Variants in RAET1L observed in about 807,000 individuals in gnomAD.
RAET1L encodes UL16-binding protein 6.
RAET1L carries 16 observed loss-of-function variants against 23.9 expected under a neutral mutation model. That is an observed-to-expected ratio of 0.67 (90% CI 0.45 to 1.02). The LOEUF is 1.02. Among genes scored for constraint, RAET1L ranks in the 50% least tolerant of loss-of-function variants. The pLI, the probability that RAET1L is intolerant of heterozygous loss-of-function variation, is 0.00. For missense variants in RAET1L, 233 were observed against 304.0 expected, an observed-to-expected ratio of 0.77 and a Z score of 1.74; for synonymous variants, 70 against 111.2, an observed-to-expected ratio of 0.63 and a Z score of 2.33.
At chr6:150,018,904 A>G in intron 4 of RAET1L, 49 bp from the exon 5 acceptor site, 1 of 289,754 alleles carries the variant, frequency 3.5e-6, no homozygotes, top group Non-Finnish European at 6.7e-6. Flanking sequence ...AACCCGGATC[A>G]CTTTTCCACG....
Position 150,024,711 on chromosome 6 carries a change from C to T in RAET1L, c.85+676G>A, listed in dbSNP as rs6923759. 3.5e-3 allele frequency among the ~76,000 whole-genome samples: 531 copies of T among 152,116 alleles called. 7 individuals carry two copies. Among genetic ancestry groups the T allele is most frequent in the African/African-American group, 0.012 (492 of 41,466 alleles). On this transcript the variant is annotated intron_variant, in intron 1 of 4. Coordinates refer to ENST00000367341, the MANE Select transcript of RAET1L (RefSeq NM_130900.3). Reference sequence around the variant, plus strand: ...TTGGGGTGTGTCCTCAGGCAAGAGGCAGAAGGTGCGACGTGGTGTAGGAGG... The same window carrying T: ...TTGGGGTGTGTCCTCAGGCAAGAGGTAGAAGGTGCGACGTGGTGTAGGAGG...
In RAET1L at chr6:150,021,109, T is replaced by A. The variant is rs368287368; in HGVS notation, c.427A>T (p.Ile143Phe). ...GHSSGSWQFSIDGQTFLLFDS... is the reference protein window; with the variant it reads ...GHSSGSWQFSFDGQTFLLFDS... ...AAGAGTAGGAAGGTCTGTCCATCGA[T>A]ACTGAACTGCCAAGATCCACTGCTG... Residue 143 changes from isoleucine (I) to phenylalanine (F), a missense_variant, in exon 3 of 5, where the codon ATC becomes TTC. Ile to Phe is a conservative substitution (Grantham distance 21). This residue lies in a region of RAET1L where 139 missense variants were observed against 125.3 expected (regional missense o/e 1.11). Coordinates refer to ENST00000367341, the MANE Select transcript of RAET1L (RefSeq NM_130900.3). The A allele has an allele frequency of 4.7e-5, 76 of 1,614,098 alleles. No homozygotes were observed. Among genetic ancestry groups the A allele is most frequent in the African/African-American group, 2.7e-4 (20 of 74,990 alleles).
intron 4 of RAET1L, among the ~76,000 whole-genome samples, chr6:150,019,510 A>G (rs1359118508): frequency 1.3e-5 from 2 of 151,958 alleles, no homozygotes; most frequent in Admixed American, 6.6e-5. Flanking sequence ...CCACGGGTAC[A>G]TGGGACTGAC....
In RAET1L at chr6:150,021,051, T is replaced by G. The variant is rs1236274956; in HGVS notation, c.485A>C (p.His162Pro). 4 of 1,614,092 alleles carry G rather than the reference T, an allele frequency of 2.5e-6. No individual in the cohort carries two copies. The Admixed American group carries it at 5.0e-5, about 20-fold the overall frequency. ...TTCTTTCATCTTTCTGGCTCCAGGATGAACCGTTGTCCACATTCTCTTCTC... is the reference window on the plus strand; with the variant it reads ...TTCTTTCATCTTTCTGGCTCCAGGAGGAACCGTTGTCCACATTCTCTTCTC... ...DSEKRMWTTV[H>P]PGARKMKEKW... Residue 162 changes from histidine (H) to proline (P), a missense_variant, in exon 3 of 5, where the codon CAT becomes CCT. Transcript: ENST00000367341.
In RAET1L at chr6:150,025,508, A is replaced by T; in HGVS notation, c.-37T>A. The T allele has an allele frequency of 6.5e-7, 1 of 1,539,898 alleles. No homozygotes were observed. Among genetic ancestry groups the T allele is most frequent in the East Asian group, 2.3e-5 (1 of 44,380 alleles). ...AGGGCTGGGGACAAGAGATTTAATC[A>T]AGGTGGATCCTGGAAGATGAAATCA... On this transcript the variant is annotated 5_prime_UTR_variant, in exon 1 of 5. Transcript: ENST00000367341.
At chr6:150,023,123 C>A (rs1364872901) in intron 1 of RAET1L, among the ~76,000 whole-genome samples, 1 of 142,114 alleles carries the variant, frequency 7.0e-6, no homozygotes, top group Non-Finnish European at 1.5e-5. Flanking sequence ...CAGGTGGAGG[C>A]TGTCAACTGT....
intron 1 of RAET1L, among the ~76,000 whole-genome samples, chr6:150,023,873 G>T (rs545478439): frequency 1.3e-5 from 2 of 152,202 alleles, no homozygotes; most frequent in African/African-American, 4.8e-5. Flanking sequence ...CCATGACAAG[G>T]CACCAGAATG....
chr6:150,024,252 T>A (rs1477133164), intron 1 of RAET1L, among the ~76,000 whole-genome samples: 1 of 151,988 alleles, frequency 6.6e-6, no homozygotes, highest in Non-Finnish European at 1.5e-5. Context: ...AGGGCCACCT[T>A]CTACTTTCCA....
chr6:150,020,352 C>T (rs1409871656), intron 3 of RAET1L, 113 bp from the exon 4 acceptor site: 6 of 1,589,852 alleles, frequency 3.8e-6, no homozygotes, highest in Admixed American at 3.5e-5. Flanking sequence ...TTTGTCCCCT[C>T]CCCCCTGGTG....
rs144056293 is a variant in RAET1L, at chr6:150,021,563, T to G, written c.350-377A>C. On this transcript the variant is annotated intron_variant, in intron 2 of 4. Coordinates refer to ENST00000367341, the MANE Select transcript of RAET1L (RefSeq NM_130900.3). The stretch of plus-strand genomic sequence containing the variant: ...ATCCGCCTACCTCAGCCTCCCAAAA[T>G]GCTGGGATTACAGGCTTGAGCCACT... 7.5e-5 allele frequency among the ~76,000 whole-genome samples: 11 copies of G among 147,512 alleles called. No individual in the cohort carries two copies. The East Asian group carries it at 2.2e-3, about 29-fold the overall frequency.
intron 1 of RAET1L, among the ~76,000 whole-genome samples, chr6:150,024,865 C>T (rs1779928572): frequency 6.6e-6 from 1 of 152,032 alleles, no homozygotes. Context: ...ATCTGCTGAG[C>T]CCCTGGGTGC....
rs1304700666 is a variant in RAET1L at position 150,025,166 on chromosome 6, G to A, written c.85+221C>T. 2.0e-5 allele frequency among the ~76,000 whole-genome samples: 3 copies of A among 152,312 alleles called. No homozygotes were observed. In the East Asian group the frequency reaches 5.8e-4, roughly 29 times the overall value. ...CTCTGGCCCCTCCACCCTCCTGCCA[G>A]CCTCGTTTTCACCCTGCTCTTTTTC... On this transcript the variant is annotated intron_variant, in intron 1 of 4. Transcript: ENST00000367341.
rs1009749816 is a variant in RAET1L at position 150,018,771 on chromosome 6, C to A, written c.*107G>T. On this transcript the variant is annotated 3_prime_UTR_variant, in exon 5 of 5. Transcript: ENST00000367341. ...TCTGCTGGAGGCTGCTGGACATACA[C>A]CGTAGGTGGTGGGCAGCTGGCCAGA... 3.9e-6 allele frequency: 1 copy of A among 259,206 alleles called. No individual in the cohort carries two copies. Among genetic ancestry groups the A allele is most frequent in the Admixed American group, 5.3e-5 (1 of 18,990 alleles). 16.1% of individuals were successfully genotyped at this position (259,206 alleles called of 1,614,324 possible).
chr6:150,024,821 G>A (rs556915560), intron 1 of RAET1L, among the ~76,000 whole-genome samples: 44 of 152,270 alleles, frequency 2.9e-4, no homozygotes, highest in Non-Finnish European at 2.9e-5. Context: ...GACCTGGGTG[G>A]TGGCAGTGGA....
intron 4 of RAET1L, among the ~76,000 whole-genome samples, chr6:150,019,625 G>T (rs1341577358): frequency 3.5e-5 from 5 of 141,052 alleles, no homozygotes; most frequent in African/African-American, 1.3e-4. Flanking sequence ...GTGTACCAAG[G>T]CTCTCCCAGC....
At position 150,021,028 on chromosome 6, in the gene RAET1L, C is replaced by T; in HGVS notation, c.508G>A (p.Glu170Lys). Residue 170 changes from glutamate to lysine, a missense_variant, in exon 3 of 5, where the codon GAA (glutamate) becomes AAA (lysine). Around this residue, in one of 4 missense-constraint regions of RAET1L, gnomAD observed 139 missense variants for 125.3 expected, o/e 1.11. Coordinates refer to ENST00000367341, the MANE Select transcript of RAET1L (RefSeq NM_130900.3). ...ACATCCTTGTCATTCTCCCACTTTT[C>T]TTTCATCTTTCTGGCTCCAGGATGA... is the stretch of plus-strand genomic sequence containing the variant. ...TVHPGARKMK[E>K]KWENDKDVAM... The T allele has an allele frequency of 6.2e-7, 1 of 1,614,190 alleles. No homozygotes were observed. Among genetic ancestry groups the T allele is most frequent in the Admixed American group, 1.7e-5 (1 of 60,026 alleles).
chr6:150,020,057 G>A, intron 4 of RAET1L, 51 bp downstream of exon 4: 1 of 682,512 alleles, frequency 1.5e-6, no homozygotes, highest in Non-Finnish European at 2.4e-6. Flanking sequence ...TCCCCATCCT[G>A]CCTCCTCACC....
chr6:150,019,386 A>G (rs1272871739), intron 4 of RAET1L, among the ~76,000 whole-genome samples: 2 of 152,138 alleles, frequency 1.3e-5, no homozygotes, highest in African/African-American at 2.4e-5. Flanking sequence ...AGCAGCTCAG[A>G]TGCTCCTTCC....
intron 3 of RAET1L, 106 bp from the exon 4 acceptor site, chr6:150,020,345 G>T (rs902354070): frequency 5.6e-6 from 9 of 1,594,904 alleles, no homozygotes; most frequent in Non-Finnish European, 7.7e-6. Context: ...CAAAAGTTTT[G>T]TCCCCTCCCC....
Sources: allele counts gnomAD v4.1 joint callset (sites outside exome capture counted in the v4.1 genomes callset), GRCh38; gene constraint gnomAD v4.1.1; regional missense constraint gnomAD v4.1.1; transcripts MANE v1.5; gene names NCBI Gene and HGNC (gene_info 2026-07-23, HGNC 2026-07-21).